WWOX: variants seen among roughly 807,000 people sequenced by gnomAD.
The protein encoded by WWOX is WW domain-containing oxidoreductase.
WWOX carries 69 observed loss-of-function variants against 46.2 expected under a neutral mutation model. That is an observed-to-expected ratio of 1.49 (90% CI 1.23 to 1.82). The LOEUF (loss-of-function observed/expected upper bound fraction) is 1.82, where lower values mean the gene tolerates loss of function less well. Among genes scored for constraint, WWOX ranks in the 40% most tolerant of loss-of-function variants. The pLI, the probability that WWOX is intolerant of heterozygous loss-of-function variation, is 0.00. For missense variants in WWOX, 919 were observed against 542.6 expected (o/e 1.69, Z -6.89); for synonymous variants, 359 against 202.6 (o/e 1.77, Z -6.56).
intron 8 of WWOX, among the ~76,000 whole-genome samples, chr16:79,085,915 G>A (rs2048845866): frequency 6.6e-6 from 1 of 152,012 alleles, no homozygotes; most frequent in African/African-American, 2.4e-5. Flanking sequence ...AGCCAGGCTT[G>A]GTGGTACATG....
intron 8 of WWOX, among the ~76,000 whole-genome samples, chr16:78,612,556 G>T (rs2151632349): frequency 6.6e-6 from 1 of 152,290 alleles, no homozygotes; most frequent in Admixed American, 6.5e-5. Flanking sequence ...TTTCATTGCA[G>T]CCTGGAACTC....
intron 8 of WWOX, among the ~76,000 whole-genome samples, chr16:78,741,982 T>C (rs2049239151): frequency 6.6e-6 from 1 of 152,228 alleles, no homozygotes; most frequent in African/African-American, 2.4e-5. Context: ...TCTCTCTCCC[T>C]CCTTACCTGC....
At chr16:78,697,259 G>C (rs994774052) in intron 8 of WWOX, among the ~76,000 whole-genome samples, 2 of 152,196 alleles carry the variant, frequency 1.3e-5, no homozygotes, top group African/African-American at 4.8e-5. Flanking sequence ...CATAGTGGTT[G>C]TACTAGTTTA....
chr16:78,978,125 G>A (rs80142098), intron 8 of WWOX, among the ~76,000 whole-genome samples: 3,981 of 152,238 alleles, frequency 0.026, 165 homozygotes, highest in African/African-American at 0.089. Flanking sequence ...TCATACAATA[G>A]CATCATGTGT....
At chr16:78,770,131 C>T (rs2050028594) in intron 8 of WWOX, among the ~76,000 whole-genome samples, 1 of 152,054 alleles carries the variant, frequency 6.6e-6, no homozygotes, top group Admixed American at 6.5e-5. Flanking sequence ...GTGGGCCAAT[C>T]ACTGAGGTCA....
chr16:78,198,836 A>G (rs1242668567), intron 5 of WWOX, among the ~76,000 whole-genome samples: 1 of 152,210 alleles, frequency 6.6e-6, no homozygotes, highest in African/African-American at 2.4e-5. Flanking sequence ...ATGTAATGGT[A>G]TATATACATG....
chr16:79,049,517 G>A (rs531974025), intron 8 of WWOX, among the ~76,000 whole-genome samples: 11 of 152,124 alleles, frequency 7.2e-5, no homozygotes, highest in Admixed American at 2.6e-4. Context: ...AGCCCAGATG[G>A]CATTGTTGAG....
At chr16:78,555,778 T>G (rs2044279410) in intron 8 of WWOX, among the ~76,000 whole-genome samples, 1 of 152,118 alleles carries the variant, frequency 6.6e-6, no homozygotes, top group Non-Finnish European at 1.5e-5. Flanking sequence ...GCCTCTTGTT[T>G]GACTTTGCCC....
chr16:79,153,177 A>G (rs913434781), intron 8 of WWOX, among the ~76,000 whole-genome samples: 11 of 152,114 alleles, frequency 7.2e-5, no homozygotes, highest in Admixed American at 7.2e-4. Context: ...CAGCTTTATC[A>G]TCTCCATGTG....
intron 8 of WWOX, among the ~76,000 whole-genome samples, chr16:79,130,174 A>G (rs1597400680): frequency 6.6e-6 from 1 of 152,182 alleles, no homozygotes; most frequent in African/African-American, 2.4e-5. Flanking sequence ...TGGAGTTGGG[A>G]TTTCAAACCC....
Position 79,138,246 on chromosome 16 carries a change from C to A in WWOX, c.1057-73362C>A, listed in dbSNP as rs971561550. Among the ~76,000 whole-genome samples the A allele has an allele frequency of 7.2e-5, 11 of 152,276 alleles. No individual in the cohort carries two copies. In the South Asian group the frequency reaches 8.3e-4, roughly 11 times the overall value. On this transcript the variant is annotated intron_variant, in intron 8 of 8. Transcript: ENST00000566780. ...TTCCAGTTGGGGAAGGTTTTATGTT[C>A]TAAGAGCAAGGTGCTGTACTCATAG...
chr16:78,791,709 C>G (rs553380945), intron 8 of WWOX, among the ~76,000 whole-genome samples: 6 of 152,026 alleles, frequency 3.9e-5, no homozygotes, highest in Non-Finnish European at 7.4e-5. Context: ...GAAACCCCGT[C>G]TCTACTAAAA....
intron 7 of WWOX, among the ~76,000 whole-genome samples, chr16:78,429,357 G>A (rs747313994): frequency 6.6e-6 from 1 of 152,186 alleles, no homozygotes; most frequent in Non-Finnish European, 1.5e-5. Context: ...ATGGAGGCAT[G>A]CATTTTTATC....
intron 8 of WWOX, among the ~76,000 whole-genome samples, chr16:78,718,168 C>G (rs72799088): frequency 0.17 from 25,356 of 149,550 alleles, 2,713 homozygotes; most frequent in East Asian, 0.23. Flanking sequence ...TTTTTTATGG[C>G]TGCCCAAGTT....
At chr16:78,918,435 C>G (rs961570778) in intron 8 of WWOX, among the ~76,000 whole-genome samples, 3 of 151,952 alleles carry the variant, frequency 2.0e-5, no homozygotes, top group East Asian at 1.9e-4. Flanking sequence ...CCTTTATTTT[C>G]TGGCAGGGCT....
In WWOX at chr16:78,400,702, G is replaced by A. The variant is rs564614746; in HGVS notation, c.605+13754G>A. 4.8e-4 allele frequency among the ~76,000 whole-genome samples: 73 copies of A among 152,194 alleles called. No homozygotes were observed. The South Asian group carries it at 0.014, about 29-fold the overall frequency. ...GGGAGGACTGGAGGAAGGAAAGCAG[G>A]GATCATTCTGGAGTGTACACTGGGC... is the stretch of plus-strand genomic sequence containing the variant. On this transcript the variant is annotated intron_variant, in intron 6 of 8. Coordinates refer to ENST00000566780, the MANE Select transcript of WWOX (RefSeq NM_016373.4).
intron 8 of WWOX, among the ~76,000 whole-genome samples, chr16:78,769,880 A>C (rs1484809951): frequency 6.6e-6 from 1 of 151,754 alleles, no homozygotes; most frequent in African/African-American, 2.4e-5. Context: ...TAAAAATAAA[A>C]ATAAATAAAA....
At chr16:78,533,529 C>A (rs1392396621) in intron 8 of WWOX, among the ~76,000 whole-genome samples, 1 of 152,130 alleles carries the variant, frequency 6.6e-6, no homozygotes, top group Non-Finnish European at 1.5e-5. Flanking sequence ...ATGGTTTGGA[C>A]AAGCTTAGTC....
intron 8 of WWOX, chr16:78,897,824 T>A (rs1285221190): frequency 6.6e-6 from 1 of 152,194 alleles, no homozygotes; most frequent in East Asian, 1.9e-4. Context: ...CACATCCTCA[T>A]CAGCACTTTG....
Sources: gnomAD v4.1 joint callset for allele counts (sites outside exome capture counted in the v4.1 genomes callset) on GRCh38, gnomAD v4.1.1 for gene constraint, MANE v1.5 for transcripts, NCBI Gene and HGNC (gene_info 2026-07-23, HGNC 2026-07-21) for gene names.